RXRA: variants seen among roughly 807,000 people sequenced by gnomAD.
RXRA encodes the protein retinoid X receptor alpha.
Under a neutral mutation model 44.5 loss-of-function variants are expected in RXRA, and 5 were observed. The observed-to-expected ratio is 0.11, with a 90% CI of 0.06 to 0.24. The LOEUF (loss-of-function observed/expected upper bound fraction) is 0.24. Ranked by LOEUF, RXRA falls within the 10% of genes least tolerant of loss-of-function variation. The pLI, the probability that RXRA is intolerant of heterozygous loss-of-function variation, is 1.00. For synonymous variants in RXRA, 291 were observed against 271.4 expected (o/e 1.07, Z -0.71); for missense variants, 412 against 646.5 (o/e 0.64, Z 3.93).
chr9:134,356,317 C>T (rs189109261), intron 1 of RXRA, among the ~76,000 whole-genome samples: 121 of 152,282 alleles, frequency 7.9e-4, no homozygotes, highest in African/African-American at 2.8e-3. Context: ...TTGCTCTCCT[C>T]ATTGGTAAAA....
intron 1 of RXRA, among the ~76,000 whole-genome samples, chr9:134,393,038 C>A (rs1588283599): frequency 1.5e-5 from 2 of 132,204 alleles, no homozygotes. Context: ...AAAAAAAAAA[C>A]CCATCCTGCC....
At chr9:134,405,250 T>C (rs1831031496) in intron 2 of RXRA, 1 of 152,204 alleles carries the variant, frequency 6.6e-6, no homozygotes, top group Non-Finnish European at 1.5e-5. Flanking sequence ...CTTGCTTCTG[T>C]AGCCTGGACC....
intron 6 of RXRA, chr9:134,424,325 C>T: frequency 2.0e-6 from 2 of 985,408 alleles, no homozygotes; most frequent in Non-Finnish European, 2.4e-6. Flanking sequence ...GCGAGGGTGG[C>T]CTCTGCTCCT....
intron 4 of RXRA, among the ~76,000 whole-genome samples, chr9:134,413,569 G>A (rs1272973741): frequency 3.3e-5 from 5 of 152,188 alleles, no homozygotes; most frequent in African/African-American, 1.2e-4. Flanking sequence ...GTTCGGTCCT[G>A]CCTGTCTTGG....
At chr9:134,360,016 C>T (rs563434795) in intron 1 of RXRA, among the ~76,000 whole-genome samples, 4 of 152,274 alleles carry the variant, frequency 2.6e-5, no homozygotes, top group Admixed American at 6.5e-5. Flanking sequence ...TAGGACCGGG[C>T]GGGGAATGGA....
intron 8 of RXRA, among the ~76,000 whole-genome samples, chr9:134,432,639 T>C (rs997132697): frequency 1.3e-5 from 2 of 152,224 alleles, no homozygotes; most frequent in African/African-American, 4.8e-5. Context: ...CCTGCTGGCA[T>C]GGGAGGGCCC....
At chr9:134,374,449 G>GGCTGC (rs1047529242) in intron 1 of RXRA, among the ~76,000 whole-genome samples, 9 of 152,328 alleles carry the variant, frequency 5.9e-5, no homozygotes, top group African/African-American at 2.2e-4. Flanking sequence ...TCCTGGTGTG[G>GGCTGC]GCTGCGCTGG....
intron 5 of RXRA, among the ~76,000 whole-genome samples, chr9:134,419,836 C>T (rs570507382): frequency 7.9e-5 from 12 of 152,210 alleles, no homozygotes; most frequent in Non-Finnish European, 1.5e-4. Context: ...GGTACTGGAG[C>T]GAGAGCCTCA....
intron 1 of RXRA, among the ~76,000 whole-genome samples, chr9:134,373,424 A>T (rs151067058): frequency 2.2e-3 from 335 of 152,276 alleles, no homozygotes; most frequent in Middle Eastern, 0.01. Flanking sequence ...GTGGTCTCCA[A>T]CCCTGTGTTT....
intron 1 of RXRA, among the ~76,000 whole-genome samples, chr9:134,382,947 A>G (rs1472833575): frequency 6.6e-6 from 1 of 152,198 alleles, no homozygotes; most frequent in Non-Finnish European, 1.5e-5. Flanking sequence ...CTGTCTGGAC[A>G]GGACCTGGTT....
At chr9:134,416,886 C>T (rs1226016351) in intron 4 of RXRA, among the ~76,000 whole-genome samples, 1 of 152,222 alleles carries the variant, frequency 6.6e-6, no homozygotes, top group Non-Finnish European at 1.5e-5. Flanking sequence ...ATGTTGGGGT[C>T]CCTGCTGCAC....
intron 1 of RXRA, among the ~76,000 whole-genome samples, chr9:134,378,464 C>T (rs753825755): frequency 4.6e-5 from 7 of 152,178 alleles, no homozygotes; most frequent in African/African-American, 7.2e-5. Context: ...GGCCTGGTCC[C>T]GAAGGGTCCT....
At chr9:134,372,052 C>T (rs1830497499) in intron 1 of RXRA, 1 of 152,186 alleles carries the variant, frequency 6.6e-6, no homozygotes, top group South Asian at 2.1e-4. Flanking sequence ...GGAGAGGCCA[C>T]CTCGAGGGAG....
intron 1 of RXRA, among the ~76,000 whole-genome samples, chr9:134,384,044 G>A (rs1830683274): frequency 6.6e-6 from 1 of 152,166 alleles, no homozygotes; most frequent in African/African-American, 2.4e-5. Flanking sequence ...CTCCTCACTA[G>A]AGCTGGGAGT....
chr9:134,412,538 G>T (rs936686169), intron 4 of RXRA, among the ~76,000 whole-genome samples: 2 of 152,218 alleles, frequency 1.3e-5, no homozygotes, highest in African/African-American at 4.8e-5. Flanking sequence ...ACCACAGGCT[G>T]ATAGCATCTC....
chr9:134,353,412 G>T (rs1237909250), intron 1 of RXRA, among the ~76,000 whole-genome samples: 1 of 152,186 alleles, frequency 6.6e-6, no homozygotes, highest in African/African-American at 2.4e-5. Flanking sequence ...GCATGTGTGT[G>T]CACGGCCCCA....
intron 1 of RXRA, among the ~76,000 whole-genome samples, chr9:134,389,842 C>T (rs1018177662): frequency 9.2e-5 from 14 of 152,294 alleles, no homozygotes; most frequent in African/African-American, 2.2e-4. Context: ...TGGGGGCTGC[C>T]GGCTAGGCTG....
At chr9:134,394,322 C>T (rs1184723153) in intron 1 of RXRA, among the ~76,000 whole-genome samples, 1 of 127,428 alleles carries the variant, frequency 7.8e-6, no homozygotes, top group African/African-American at 3.0e-5. Flanking sequence ...GATGCCTTCA[C>T]AGACATTGCT....
intron 1 of RXRA, among the ~76,000 whole-genome samples, chr9:134,367,174 C>T (rs559164492): frequency 1.8e-4 from 27 of 152,316 alleles, no homozygotes; most frequent in African/African-American, 5.8e-4. Context: ...AAAGAAGCCC[C>T]GTGCCCGCTG....
Sources: gnomAD v4.1 joint callset for allele counts (sites outside exome capture counted in the v4.1 genomes callset) on GRCh38, gnomAD v4.1.1 for gene constraint, MANE v1.5 for transcripts, NCBI Gene and HGNC (gene_info 2026-07-23, HGNC 2026-07-21) for gene names.